Variants in FZR1 observed in about 807,000 individuals in gnomAD.
FZR1 encodes the protein fizzy and cell division cycle 20 related 1.
In FZR1, 11 loss-of-function variants were observed where a neutral mutation model predicts 63.6. The observed-to-expected ratio is 0.17, with a 90% CI of 0.11 to 0.29. The LOEUF (loss-of-function observed/expected upper bound fraction) is 0.29, where lower values mean the gene tolerates loss of function less well. Among genes scored for constraint, FZR1 ranks in the 10% least tolerant of loss-of-function variants. FZR1 has a pLI of 1.00. For synonymous variants in FZR1, 328 were observed against 297.9 expected (o/e 1.10, Z -1.04); for missense variants, 440 against 687.5 (o/e 0.64, Z 4.03).
rs77128894 is a variant in FZR1, at chr19:3,525,196, C to T, written c.70-672C>T. ...AGAGACGGTGAATGCATGGCACCTG[C>T]GCAGCGTTGGGAGGGCAGTTGGGGT... is the stretch of plus-strand genomic sequence containing the variant. On this transcript the variant is annotated intron_variant, in intron 2 of 13. Transcript: ENST00000441788. The surrounding 1 kb of genome is among the most constrained non-coding windows in gnomAD (Gnocchi z 4.2). 0.035 allele frequency among the ~76,000 whole-genome samples: 5,376 copies of T among 152,180 alleles called. 299 individuals are homozygous for T. The highest frequency in any genetic ancestry group is 0.12 in the South Asian group (576 of 4,830).
In FZR1 at chr19:3,525,190, C is replaced by T. The variant is rs1470001254; in HGVS notation, c.70-678C>T. On this transcript the variant is annotated intron_variant, in intron 2 of 13. Transcript: ENST00000441788. The surrounding 1 kb of genome is among the most constrained non-coding windows in gnomAD (Gnocchi z 4.2). ...TCATCTAGAGACGGTGAATGCATGGCACCTGCGCAGCGTTGGGAGGGCAGT... is the reference window on the plus strand; with the variant it reads ...TCATCTAGAGACGGTGAATGCATGGTACCTGCGCAGCGTTGGGAGGGCAGT... Among the ~76,000 whole-genome samples, 1 of 152,154 alleles carries T rather than the reference C, an allele frequency of 6.6e-6. No individual in the cohort carries two copies. Among genetic ancestry groups the T allele is most frequent in the Non-Finnish European group, 1.5e-5 (1 of 68,026 alleles).
At chr19:3,513,074 G>C (rs1440565258) in intron 1 of FZR1, among the ~76,000 whole-genome samples, 1 of 152,150 alleles carries the variant, frequency 6.6e-6, no homozygotes, top group East Asian at 1.9e-4. Context: ...CTCTCTGGGA[G>C]GGCACCTGGG....
At chr19:3,518,314 G>A (rs113652432) in intron 1 of FZR1, among the ~76,000 whole-genome samples, 8 of 152,234 alleles carry the variant, frequency 5.3e-5, no homozygotes, top group African/African-American at 1.4e-4. Flanking sequence ...ACGGGGTCTC[G>A]CCATGTTGGC....
At position 3,534,920 on chromosome 19, in the gene FZR1, A is replaced by G; in HGVS notation, c.*84A>G. On this transcript the variant is annotated 3_prime_UTR_variant, in exon 14 of 14. Transcript: ENST00000441788. ...CAGCTTGCATGGACTCTGCCTTCCC[A>G]GCGCTTGTCCCCCGAGGAAGGCGGC... The G allele has an allele frequency of 1.7e-6, 2 of 1,144,944 alleles. No homozygotes were observed. The highest frequency in any genetic ancestry group is 1.3e-6 in the Non-Finnish European group (1 of 761,766). The allele number at this position is 1,144,944 out of a possible 1,614,324, so 70.9% of individuals were successfully genotyped here.
chr19:3,509,163 C>T (rs2083007017), intron 1 of FZR1, among the ~76,000 whole-genome samples: 1 of 152,256 alleles, frequency 6.6e-6, no homozygotes, highest in African/African-American at 2.4e-5. Context: ...AGCCAGAGCC[C>T]CTTCCTGGGC....
chr19:3,532,137 C>T (rs192072720), intron 10 of FZR1, 42 bp downstream of exon 10: 30 of 1,456,664 alleles, frequency 2.1e-5, no homozygotes, highest in Admixed American at 4.7e-5. Context: ...CACCAGAAGC[C>T]GCACCCCTCA....
chr19:3,508,461 T>C (rs2083001944), intron 1 of FZR1, among the ~76,000 whole-genome samples: 1 of 152,182 alleles, frequency 6.6e-6, no homozygotes, highest in Non-Finnish European at 1.5e-5. Context: ...CCTCCCAAAG[T>C]GCTGTGATTA....
intron 1 of FZR1, 148 bp from the exon 2 acceptor site, chr19:3,522,808 A>T (rs2083115145): frequency 1.7e-6 from 1 of 603,372 alleles, no homozygotes; most frequent in African/African-American, 1.8e-5. Context: ...ACCTAGGATG[A>T]GGCTAGGGCT....
At position 3,529,696 on chromosome 19, in the gene FZR1, T is replaced by TGGGAGAGCGGA. The variant is rs1454533918; in HGVS notation, c.655-1096_655-1095insGGGAGAGCGGA. ...TGAGAGTGGTTGAGGGAGTGGATGG[T>TGGGAGAGCGGA]TGAGCGGATGGGAGAGCGGATGGGA... On this transcript the variant is annotated intron_variant, in intron 7 of 13. Coordinates refer to ENST00000441788, the MANE Select transcript of FZR1 (RefSeq NM_016263.4). 2.9e-3 allele frequency among the ~76,000 whole-genome samples: 100 copies of TGGGAGAGCGGA among 33,964 alleles called. 4 individuals are homozygous for TGGGAGAGCGGA. Among genetic ancestry groups the TGGGAGAGCGGA allele is most frequent in the Admixed American group, 2.9e-3 (12 of 4,098 alleles). 22.3% of individuals were successfully genotyped at this position (33,964 alleles called of 152,430 possible). A position where few individuals can be genotyped will look rare whatever the true frequency, so the allele number is the denominator to read the frequency against.
At position 3,525,918 on chromosome 19, in the gene FZR1, G is replaced by A. The variant is rs201664307; in HGVS notation, c.120G>A (p.Ser40=). ...TLTPASSPVS[S]PSKHGDRFIP... is the part of the protein sequence containing the mutation. ...CGCCTGCCAGCTCCCCAGTGTCCTC[G>A]CCCAGCAAGCACGGAGACCGCTTCA... Residue 40 remains serine, a synonymous_variant, in exon 3 of 14, where the codon TCG becomes TCA. Transcript: ENST00000441788. This position sits in a 1 kb window ranked among gnomAD's most constrained non-coding sequence, Gnocchi z 4.2. The A allele has an allele frequency of 6.2e-6, 10 of 1,612,284 alleles. No homozygotes were observed. The highest frequency in any genetic ancestry group is 2.7e-5 in the African/African-American group (2 of 74,914).
intron 7 of FZR1, 97 bp from the exon 8 acceptor site, chr19:3,530,695 A>G: frequency 1.2e-6 from 1 of 847,178 alleles, no homozygotes; most frequent in Non-Finnish European, 1.9e-6. Context: ...AGAGTGGATG[A>G]GAGTGGATGG....
intron 13 of FZR1, 29 bp downstream of exon 13, chr19:3,534,542 G>C (rs202198946): frequency 7.0e-7 from 1 of 1,423,960 alleles, no homozygotes; most frequent in Non-Finnish European, 9.8e-7. Flanking sequence ...AGCGCCACTC[G>C]CCCCCGCCCC....
At position 3,516,597 on chromosome 19, in the gene FZR1, C is replaced by T. The variant is rs923315975; in HGVS notation, c.-34-6359C>T. Among the ~76,000 whole-genome samples the T allele has an allele frequency of 1.1e-4, 16 of 151,950 alleles. No individual in the cohort carries two copies. Among genetic ancestry groups the T allele is most frequent in the African/African-American group, 3.9e-4 (16 of 41,364 alleles). On this transcript the variant is annotated intron_variant, in intron 1 of 13. Transcript: ENST00000441788. This position sits in a 1 kb window ranked among gnomAD's most constrained non-coding sequence, Gnocchi z 6.0. ...GGGCAAGTGTCCAGGTGAGGTGCCC[C>T]GGGAGGCCCCAGGCCCGGGATACAG...
rs543093237 is a variant in FZR1, at chr19:3,508,204, T to C, written c.-35+1730T>C. ...AGGTGGGGCTACATTGATTTTCTTT[T>C]TTTTTTTTTTTTTTTTTGAGATGGA... On this transcript the variant is annotated intron_variant, in intron 1 of 13. Transcript: ENST00000441788. Among the ~76,000 whole-genome samples the C allele has an allele frequency of 6.2e-3, 891 of 142,724 alleles. 13 individuals are homozygous for C. Among genetic ancestry groups the C allele is most frequent in the African/African-American group, 0.021 (814 of 37,958 alleles). 93.6% of individuals were successfully genotyped at this position (142,724 alleles called of 152,430 possible). A position where few individuals can be genotyped will look rare whatever the true frequency, so the allele number is the denominator to read the frequency against.
At chr19:3,509,571 C>G (rs2083010168) in intron 1 of FZR1, among the ~76,000 whole-genome samples, 2 of 152,250 alleles carry the variant, frequency 1.3e-5, no homozygotes, top group Admixed American at 6.5e-5. Context: ...GCCATCACCT[C>G]TGCCCAATTC....
chr19:3,531,935 A>G lies in FZR1; in HGVS notation c.848A>G (p.Gln283Arg). The G allele has an allele frequency of 6.3e-7, 1 of 1,594,668 alleles. No individual in the cohort carries two copies. Among genetic ancestry groups the G allele is most frequent in the Non-Finnish European group, 8.5e-7 (1 of 1,173,808 alleles). ...RVGALAWNAEQLSSGSRDRMI... is the reference protein window; with the variant it reads ...RVGALAWNAERLSSGSRDRMI... ...GGGGCGCTGGCCTGGAATGCTGAGC[A>G]GCTGTCGTCCGGGAGCCGCGACCGC... The change falls in exon 10 of 14, where the codon CAG becomes CGG. Residue 283 changes from glutamine (Q) to arginine (R), a missense_variant. This residue lies in a region of FZR1 where 208 missense variants were observed against 363.6 expected (regional missense o/e 0.57). Coordinates refer to ENST00000441788, the MANE Select transcript of FZR1 (RefSeq NM_016263.4).
chr19:3,534,686 G>T, intron 13 of FZR1, 109 bp from the exon 14 acceptor site: 1 of 1,047,822 alleles, frequency 9.5e-7, no homozygotes, highest in Non-Finnish European at 1.5e-6. Flanking sequence ...AGGCTGAACT[G>T]GCACCTCCCA....
At chr19:3,510,792 C>T (rs1379203738) in intron 1 of FZR1, among the ~76,000 whole-genome samples, 1 of 152,214 alleles carries the variant, frequency 6.6e-6, no homozygotes, top group African/African-American at 2.4e-5. Context: ...TGGGCAACAC[C>T]TCGGGACATC....
intron 8 of FZR1, 67 bp from the exon 9 acceptor site, chr19:3,531,647 C>T (rs939005139): frequency 1.6e-5 from 19 of 1,160,418 alleles, no homozygotes; most frequent in African/African-American, 1.4e-4. Context: ...GCGCGACCAA[C>T]GCCAGGACGG....
Sources: gnomAD v4.1 joint callset for allele counts (sites outside exome capture counted in the v4.1 genomes callset) on GRCh38, gnomAD v4.1.1 for gene constraint, gnomAD v4.1.1 regional missense constraint, Gnocchi (gnomAD v3.1) non-coding constraint, MANE v1.5 for transcripts, NCBI Gene and HGNC (gene_info 2026-07-23, HGNC 2026-07-21) for gene names.